PTPN2: variants seen among roughly 807,000 people sequenced by gnomAD.
The protein encoded by PTPN2 is tyrosine-protein phosphatase non-receptor type 2.
A neutral mutation model predicts 57.3 loss-of-function variants in PTPN2; 19 were observed. The observed-to-expected ratio is 0.33, with a 90% confidence interval of 0.23 to 0.49. PTPN2 has a LOEUF of 0.49. Among genes scored for constraint, PTPN2 ranks in the 20% least tolerant of loss-of-function variants. PTPN2 has a pLI of 0.99. For synonymous variants in PTPN2, 153 were observed against 164.9 expected (o/e 0.93, Z 0.55); for missense variants, 358 against 501.1 (o/e 0.71, Z 2.73).
rs1469212865 is a variant in PTPN2, at chr18:12,794,460, C to T, written c.1066G>A (p.Asp356Asn). The T allele has an allele frequency of 5.6e-6, 9 of 1,613,698 alleles. No homozygotes were observed. Among genetic ancestry groups the T allele is most frequent in the Non-Finnish European group, 6.8e-6 (8 of 1,180,026 alleles). The change falls in exon 9 of 9, where the codon GAC becomes AAC. Residue 356 changes from aspartate (D) to asparagine (N), a missense_variant. This residue lies in a region of PTPN2 where 96 missense variants were observed against 110.8 expected (regional missense o/e 0.87). Transcript: ENST00000309660. ...TTCTGAGCTGTGGTGGCCTTTCTGT[C>T]CTCTCGAATACGTTTCCGTAGAGCA... Reference protein sequence around the residue: ...ESALRKRIREDRKATTAQKVQ... With the variant: ...ESALRKRIRENRKATTAQKVQ...
intron 1 of PTPN2, among the ~76,000 whole-genome samples, chr18:12,867,810 G>A (rs754017939): frequency 2.0e-5 from 3 of 151,974 alleles, no homozygotes; most frequent in Non-Finnish European, 4.4e-5. Flanking sequence ...TAACAATTGT[G>A]TGTTATAACT....
rs2043390592 is a variant in PTPN2 at position 12,851,455 on chromosome 18, C to T, written c.160+7709G>A. On this transcript the variant is annotated intron_variant, in intron 2 of 8. Coordinates refer to ENST00000309660, the MANE Select transcript of PTPN2 (RefSeq NM_002828.4). ...GATTGCGCCACTGCAGTCCGCAGTCCGGCCTGGGCGACAGAGCGAGACTCC... is the reference window on the plus strand; with the variant it reads ...GATTGCGCCACTGCAGTCCGCAGTCTGGCCTGGGCGACAGAGCGAGACTCC... Among the ~76,000 whole-genome samples the T allele has an allele frequency of 2.7e-4, 2 of 7,328 alleles. 1 individual carries two copies. The highest frequency in any genetic ancestry group is 7.0e-3 in the Admixed American group (2 of 284). The allele number at this position is 7,328 out of a possible 152,430, so 4.8% of individuals were successfully genotyped here.
intron 1 of PTPN2, among the ~76,000 whole-genome samples, chr18:12,877,231 A>G (rs539730138): frequency 4.0e-5 from 6 of 151,574 alleles, no homozygotes; most frequent in Non-Finnish European, 8.8e-5. Context: ...GAAAACAAAG[A>G]AAAAAAAAGA....
chr18:12,876,296 A>AAGAAGAAGAAGAAGAAGAAGAAGAAGAAG (rs2044486797), intron 1 of PTPN2, among the ~76,000 whole-genome samples: 4 of 145,074 alleles, frequency 2.8e-5, no homozygotes, highest in African/African-American at 5.4e-5. Flanking sequence ...ACAACAACAA[A>AAGAAGAAGAAGAAGAAGAAGAAGAAGAAG]AAGAAGAAGA....
chr18:12,855,816 CAG>C (rs1435763175), intron 2 of PTPN2, among the ~76,000 whole-genome samples: 2 of 152,200 alleles, frequency 1.3e-5, no homozygotes, highest in South Asian at 2.1e-4. Flanking sequence ...TTAAAAAATC[CAG>C]AGTTATTTTT....
In PTPN2 at chr18:12,877,317, T is replaced by A. The variant is rs77169096; in HGVS notation, c.69+6756A>T. Among the ~76,000 whole-genome samples, 1,080 of 152,274 alleles carry A rather than the reference T, an allele frequency of 7.1e-3. 9 individuals are homozygous for A. Among genetic ancestry groups the A allele is most frequent in the Non-Finnish European group, 0.011 (743 of 68,020 alleles). On this transcript the variant is annotated intron_variant, in intron 1 of 8. Transcript: ENST00000309660. ...TGTGGTTCATATTCTAATAAAAGAA[T>A]ATAGAGAACTAAGAAATGAGAGAAG...
At chr18:12,797,012 C>T (rs959818201) in intron 8 of PTPN2, among the ~76,000 whole-genome samples, 1 of 152,046 alleles carries the variant, frequency 6.6e-6, no homozygotes, top group Non-Finnish European at 1.5e-5. Flanking sequence ...ATACAGGTAT[C>T]CCTGGCTGTC....
intron 1 of PTPN2, among the ~76,000 whole-genome samples, chr18:12,861,139 C>T (rs1050579433): frequency 3.9e-5 from 6 of 152,110 alleles, no homozygotes; most frequent in Admixed American, 3.3e-4. Flanking sequence ...CACCATCAGC[C>T]GAGTATCTGA....
intron 2 of PTPN2, among the ~76,000 whole-genome samples, chr18:12,849,365 C>G (rs2043314890): frequency 6.6e-6 from 1 of 152,206 alleles, no homozygotes; most frequent in African/African-American, 2.4e-5. Context: ...TCGAGACCAG[C>G]CTGACAAACA....
intron 1 of PTPN2, among the ~76,000 whole-genome samples, chr18:12,860,204 G>A (rs975297555): frequency 3.3e-5 from 5 of 151,940 alleles, no homozygotes; most frequent in African/African-American, 1.2e-4. Context: ...CAGAAGAATT[G>A]CTTGAACCCG....
chr18:12,807,582 AAAAAAT>A (rs1397851684), intron 7 of PTPN2, among the ~76,000 whole-genome samples: 16 of 61,494 alleles, frequency 2.6e-4, no homozygotes, highest in African/African-American at 7.0e-4. Flanking sequence ...AAAAAAAAAA[AAAAAAT>A]ATATATATAT....
chr18:12,817,347 T>C lies in PTPN2; in HGVS notation c.514A>G (p.Ile172Val). The change falls in exon 6 of 9, where the codon ATA (isoleucine) becomes GTA (valine). Residue 172 changes from isoleucine to valine, a missense_variant. Transcript: ENST00000309660. ...ENINSGETRT[I>V]SHFHYTTWPD... ...CAGGTAGTATAATGAAAGTGAGATA[T>C]TGTTCTGGTTTCACCACTCTAAAAA... is the stretch of plus-strand genomic sequence containing the variant. 3.1e-6 allele frequency: 5 copies of C among 1,613,458 alleles called. No individual in the cohort carries two copies. The highest frequency in any genetic ancestry group is 4.2e-6 in the Non-Finnish European group (5 of 1,179,436).
intron 2 of PTPN2, chr18:12,840,667 C>T (rs1165323022): frequency 6.3e-7 from 1 of 1,585,332 alleles, no homozygotes; most frequent in African/African-American, 1.3e-5. Flanking sequence ...GTGTAACACA[C>T]TAGAGCACAA....
At chr18:12,792,123 C>T (rs2041000565), downstream of PTPN2, 1 of 711,040 alleles carries the variant, frequency 1.4e-6, no homozygotes, top group Non-Finnish European at 1.7e-6. Flanking sequence ...TTACAGGACA[C>T]AGTAATACTG....
At position 12,810,846 on chromosome 18, in the gene PTPN2, G is replaced by A. The variant is rs573003169; in HGVS notation, c.858+3357C>T. Among the ~76,000 whole-genome samples the A allele has an allele frequency of 1.6e-3, 239 of 152,266 alleles. 2 individuals are homozygous for A. Among genetic ancestry groups the A allele is most frequent in the African/African-American group, 5.2e-3 (217 of 41,558 alleles). The stretch of plus-strand genomic sequence containing the variant: ...TGAAAATCCTGAGCCCTAAGAGGGC[G>A]CAAACCATGTCCCCGAAAGAATACT... On this transcript the variant is annotated intron_variant, in intron 7 of 8. Coordinates refer to ENST00000309660, the MANE Select transcript of PTPN2 (RefSeq NM_002828.4).
intron 2 of PTPN2, among the ~76,000 whole-genome samples, chr18:12,839,043 G>A (rs943356253): frequency 4.0e-5 from 6 of 151,738 alleles, no homozygotes; most frequent in Admixed American, 1.3e-4. Context: ...TTTTGATTTC[G>A]AAGAGGCAGT....
chr18:12,791,488 T>G (rs985673111), downstream of PTPN2, among the ~76,000 whole-genome samples: 2 of 152,202 alleles, frequency 1.3e-5, no homozygotes, highest in Admixed American at 1.3e-4. Context: ...CTTTTTCCTC[T>G]GGCTGTTACC....
In PTPN2 at chr18:12,884,095, C is replaced by A. The variant is rs1206823913; in HGVS notation, c.47G>T (p.Arg16Leu). 2.5e-6 allele frequency: 4 copies of A among 1,584,724 alleles called. No individual in the cohort carries two copies. In the Admixed American group the frequency reaches 7.1e-5, roughly 28 times the overall value. ...EREFEELDTQ[R>L]RWQPLYLEIR... Reference sequence around the variant, plus strand: ...CACCAAGTACAGCGGCTGCCAGCGACGCTGAGTATCCAACTCTTCGAACTC... The same window carrying A: ...CACCAAGTACAGCGGCTGCCAGCGAAGCTGAGTATCCAACTCTTCGAACTC... The change falls in exon 1 of 9, where the codon CGT (arginine) becomes CTT (leucine). Residue 16 changes from arginine (R) to leucine (L), a missense_variant. Physicochemically the swap from Arg to Leu is moderately radical, Grantham distance 102. Transcript: ENST00000309660.
intron 5 of PTPN2, among the ~76,000 whole-genome samples, chr18:12,820,716 G>T (rs1404612984): frequency 3.3e-5 from 5 of 152,050 alleles, no homozygotes; most frequent in South Asian, 2.1e-4. Context: ...ACACACGCGG[G>T]TTGCACCCAC....
Sources: gnomAD v4.1 joint callset for allele counts (sites outside exome capture counted in the v4.1 genomes callset) on GRCh38, gnomAD v4.1.1 for gene constraint, gnomAD v4.1.1 regional missense constraint, MANE v1.5 for transcripts, NCBI Gene and HGNC (gene_info 2026-07-23, HGNC 2026-07-21) for gene names.